ANO5: variants seen among roughly 807,000 people sequenced by gnomAD.
ANO5 encodes anoctamin-5.
Under a neutral mutation model 121.0 loss-of-function variants are expected in ANO5, and 109 were observed. That is an observed-to-expected ratio of 0.90 (90% CI 0.77 to 1.06). ANO5 has a LOEUF of 1.06. ANO5 is among the 50% of genes least tolerant of loss of function. The pLI is 0.00. For missense variants in ANO5, 1,064 were observed against 1,078.5 expected (o/e 0.99, Z 0.19); for synonymous variants, 406 against 359.9 (o/e 1.13, Z -1.45).
chr11:22,210,313 C>A (rs1021841246), intron 2 of ANO5, among the ~76,000 whole-genome samples: 22 of 152,002 alleles, frequency 1.4e-4, no homozygotes. Context: ...AGAGAAATTA[C>A]TGCTTTTGTG....
At chr11:22,206,093 C>A (rs1852112592) in intron 2 of ANO5, among the ~76,000 whole-genome samples, 1 of 151,744 alleles carries the variant, frequency 6.6e-6, no homozygotes, top group Non-Finnish European at 1.5e-5. Context: ...AGAAGAAAAA[C>A]AGATGCTTCT....
chr11:22,223,502 G>A (rs1278099593), intron 5 of ANO5, among the ~76,000 whole-genome samples: 5 of 151,982 alleles, frequency 3.3e-5, no homozygotes, highest in Admixed American at 6.6e-5. Flanking sequence ...CATACTCCCA[G>A]AAGGAAAGCA....
At chr11:22,246,856 C>CAAAAAAA (rs10565920) in intron 9 of ANO5, among the ~76,000 whole-genome samples, 3 of 62,194 alleles carry the variant, frequency 4.8e-5, no homozygotes, top group East Asian at 4.4e-4. Flanking sequence ...GACCCTGTTT[C>CAAAAAAA]AAAAAAAAAA....
At chr11:22,226,876 G>C (rs1417323349) in intron 6 of ANO5, among the ~76,000 whole-genome samples, 2 of 152,110 alleles carry the variant, frequency 1.3e-5, no homozygotes, top group Non-Finnish European at 2.9e-5. Context: ...TGGGTAAGAA[G>C]AGTGAGTACG....
At chr11:22,218,373 A>G in intron 4 of ANO5, 86 bp downstream of exon 4, 1 of 1,526,612 alleles carries the variant, frequency 6.6e-7, no homozygotes, top group Non-Finnish European at 9.1e-7. Context: ...GAATACTTTG[A>G]TTTGGGGGAA....
At position 22,250,986 on chromosome 11, in the gene ANO5, C is replaced by A; in HGVS notation, c.1155C>A (p.Phe385Leu). ...SHLFDNESTV[F>L]FAIFMGIWVT... ...TGTTTGATAATGAGTCAACAGTGTT[C>A]TTTGCAATATTCATGGGAATTTGGG... Residue 385 changes from phenylalanine to leucine, a missense_variant, in exon 12 of 22, where the codon TTC becomes TTA. Coordinates refer to ENST00000324559, the MANE Select transcript of ANO5 (RefSeq NM_213599.3). 1 of 1,612,034 alleles carries A rather than the reference C, an allele frequency of 6.2e-7. No individual in the cohort carries two copies. Among genetic ancestry groups the A allele is most frequent in the Non-Finnish European group, 8.5e-7 (1 of 1,179,372 alleles).
At chr11:22,279,320 C>T (rs2133809934) in intron 21 of ANO5, among the ~76,000 whole-genome samples, 1 of 151,928 alleles carries the variant, frequency 6.6e-6, no homozygotes, top group Non-Finnish European at 1.5e-5. Context: ...ATTCAATAAT[C>T]ATGTTCAACT....
At chr11:22,273,424 A>G (rs1854703909) in intron 19 of ANO5, among the ~76,000 whole-genome samples, 1 of 152,168 alleles carries the variant, frequency 6.6e-6, no homozygotes, top group Non-Finnish European at 1.5e-5. Context: ...TACTTTATAA[A>G]TTGAAGTTGA....
At chr11:22,193,031 C>A (rs966585467), upstream of ANO5, 202 of 1,017,028 alleles carry the variant, frequency 2.0e-4, no homozygotes, top group Non-Finnish European at 2.3e-4. Context: ...GGGAAAGAGG[C>A]GTGGAAACAG....
At chr11:22,257,996 C>T (rs531470236) in intron 14 of ANO5, among the ~76,000 whole-genome samples, 11 of 152,302 alleles carry the variant, frequency 7.2e-5, no homozygotes, top group Admixed American at 7.2e-4. Context: ...TCCCTCCCTG[C>T]CTCACGACAC....
Position 22,211,345 on chromosome 11 carries a change from C to T in ANO5, c.138+31C>T, listed in dbSNP as rs571829498. ...CAGCGACCAGTACTATCCTTTCTTG[C>T]ATGGACACAAATGGGGCATCTTTTT... On this transcript the variant is annotated intron_variant, in intron 3 of 21. Transcript: ENST00000324559. The T allele has an allele frequency of 4.9e-5, 79 of 1,602,736 alleles. 1 individual carries two copies. In the South Asian group the frequency reaches 8.3e-4, roughly 17 times the overall value.
intron 9 of ANO5, among the ~76,000 whole-genome samples, chr11:22,246,383 T>C (rs1853616112): frequency 6.6e-6 from 1 of 152,192 alleles, no homozygotes; most frequent in Non-Finnish European, 1.5e-5. Context: ...GTCTTAGGTT[T>C]GTAGCAGCAG....
In ANO5 at chr11:22,274,569, G is replaced by T; in HGVS notation, c.2236G>T (p.Ala746Ser). The T allele has an allele frequency of 1.9e-6, 3 of 1,584,636 alleles. No homozygotes were observed. The highest frequency in any genetic ancestry group is 1.8e-5 in the Admixed American group (1 of 56,528). ...TCCTCTTTTTTTTTTTATTCTTCAGGCCTTTATTGTTGCATTTACGTCAGA... is the reference window on the plus strand; with the variant it reads ...TCCTCTTTTTTTTTTTATTCTTCAGTCCTTTATTGTTGCATTTACGTCAGA... Reference protein sequence around the residue: ...GMAVLSVATNAFIVAFTSDII... With the variant: ...GMAVLSVATNSFIVAFTSDII... The change falls in exon 20 of 22, where the codon GCC becomes TCC. Residue 746 changes from alanine (A) to serine (S), a missense_variant and splice_region_variant. Physicochemically the swap from Ala to Ser is moderately conservative, Grantham distance 99 (BLOSUM62 1). Transcript: ENST00000324559.
chr11:22,238,932 C>G (rs1040881029), intron 8 of ANO5, among the ~76,000 whole-genome samples: 1 of 152,040 alleles, frequency 6.6e-6, no homozygotes, highest in African/African-American at 2.4e-5. Context: ...GTTCATTTGT[C>G]TGCAGTAAAA....
At chr11:22,238,771 T>C (rs1450096774) in intron 8 of ANO5, among the ~76,000 whole-genome samples, 3 of 152,136 alleles carry the variant, frequency 2.0e-5, no homozygotes, top group Non-Finnish European at 4.4e-5. Flanking sequence ...CTTTAAGTTT[T>C]AGGGTACATG....
intron 1 of ANO5, among the ~76,000 whole-genome samples, chr11:22,201,242 T>A (rs949759365): frequency 6.6e-6 from 1 of 152,208 alleles, no homozygotes; most frequent in Admixed American, 6.5e-5. Flanking sequence ...AATAAATGTT[T>A]ATCAGCCGTC....
chr11:22,193,604 G>A, intron 1 of ANO5, 72 bp downstream of exon 1: 4 of 1,552,828 alleles, frequency 2.6e-6, no homozygotes, highest in Non-Finnish European at 3.5e-6. Flanking sequence ...GCGGCGCAGA[G>A]GCCCCGGGGG....
intron 8 of ANO5, among the ~76,000 whole-genome samples, chr11:22,237,898 T>C (rs1295151752): frequency 1.3e-5 from 2 of 152,188 alleles, no homozygotes; most frequent in African/African-American, 4.8e-5. Flanking sequence ...AAGTTCATTA[T>C]ATAAAATGTA....
At chr11:22,264,527 C>T (rs763145222) in intron 17 of ANO5, among the ~76,000 whole-genome samples, 1 of 150,046 alleles carries the variant, frequency 6.7e-6, no homozygotes, top group South Asian at 2.1e-4. Flanking sequence ...AACCCTGAAC[C>T]TTCCTAATAA....
Sources: gnomAD v4.1 joint callset for allele counts (sites outside exome capture counted in the v4.1 genomes callset) on GRCh38, gnomAD v4.1.1 for gene constraint, MANE v1.5 for transcripts, NCBI Gene and HGNC (gene_info 2026-07-23, HGNC 2026-07-21) for gene names.